LMO7: variants seen among roughly 807,000 people sequenced by gnomAD.
LMO7 encodes the protein LIM domain only protein 7.
LMO7 carries 120 observed loss-of-function variants against 206.5 expected under a neutral mutation model. That is an observed-to-expected ratio of 0.58 (90% CI 0.50 to 0.68). LMO7 has a LOEUF of 0.68. LMO7 is among the 30% of genes least tolerant of loss of function. LMO7 has a pLI of 0.00. For synonymous variants in LMO7, 706 were observed against 681.5 expected (o/e 1.04, Z -0.56); for missense variants, 1,959 against 1,957.9 (o/e 1.00, Z -0.01).
intron 26 of LMO7, among the ~76,000 whole-genome samples, chr13:75,848,576 CT>C (rs1035804260): frequency 1.3e-5 from 2 of 151,362 alleles, no homozygotes; most frequent in African/African-American, 4.9e-5. Context: ...GAGCAAATAT[CT>C]TTTTCATATA....
intron 11 of LMO7, among the ~76,000 whole-genome samples, chr13:75,812,861 C>G (rs570360843): frequency 6.6e-6 from 1 of 152,216 alleles, no homozygotes; most frequent in East Asian, 1.9e-4. Flanking sequence ...AAGAGACATA[C>G]GATGTGATTT....
chr13:75,733,072 G>A (rs1291137707), intron 3 of LMO7, among the ~76,000 whole-genome samples: 2 of 152,184 alleles, frequency 1.3e-5, no homozygotes, highest in Non-Finnish European at 2.9e-5. Flanking sequence ...CGGGGGTCAG[G>A]GGTCAGGGAC....
intron 27 of LMO7, 91 bp downstream of exon 27, chr13:75,849,383 G>A: frequency 2.0e-6 from 2 of 999,302 alleles, no homozygotes; most frequent in Non-Finnish European, 3.1e-6. Flanking sequence ...CAGAAGAGAT[G>A]AAAGGAACAT....
intron 3 of LMO7, among the ~76,000 whole-genome samples, chr13:75,754,567 G>A (rs1298098036): frequency 6.6e-6 from 1 of 152,148 alleles, no homozygotes; most frequent in Non-Finnish European, 1.5e-5. Context: ...GAGTGAGTGG[G>A]AATGTGGGAT....
At chr13:75,646,744 C>T (rs1325606805) in intron 1 of LMO7, among the ~76,000 whole-genome samples, 4 of 151,956 alleles carry the variant, frequency 2.6e-5, no homozygotes, top group South Asian at 2.1e-4. Context: ...CCACCACACC[C>T]GGCTGATTTT....
intron 5 of LMO7, 54 bp from the exon 6 acceptor site, chr13:75,796,582 C>G: frequency 9.9e-7 from 1 of 1,013,254 alleles, no homozygotes; most frequent in Non-Finnish European, 1.6e-6. Flanking sequence ...TTTGAGCTTG[C>G]AATTGGTTGC....
intron 3 of LMO7, among the ~76,000 whole-genome samples, chr13:75,736,129 G>A (rs1220180036): frequency 6.6e-6 from 1 of 152,154 alleles, no homozygotes; most frequent in Non-Finnish European, 1.5e-5. Flanking sequence ...ATCTCTCCAA[G>A]TATTTCTATT....
chr13:75,824,854 G>C (rs1222913521), intron 15 of LMO7, among the ~76,000 whole-genome samples: 1 of 151,794 alleles, frequency 6.6e-6, no homozygotes, highest in East Asian at 1.9e-4. Context: ...TATATGACTT[G>C]TCCTAAGTTA....
rs1161141070 is a variant in LMO7, at chr13:75,824,707, G to A, written c.2949+834G>A. On this transcript the variant is annotated intron_variant, in intron 15 of 30. Transcript: ENST00000377534. ...CCCTTAGCATGGAAGAGCTTTTGTG[G>A]TCCTTTGGCTTGGTTTAGTATTCCC... Among the ~76,000 whole-genome samples, 9 of 152,124 alleles carry A rather than the reference G, an allele frequency of 5.9e-5. 1 individual carries two copies. In the South Asian group the frequency reaches 1.9e-3, roughly 32 times the overall value.
chr13:75,806,171 C>T (rs574234475), intron 9 of LMO7: 1 of 995,982 alleles, frequency 1.0e-6, no homozygotes, highest in African/African-American at 1.7e-5. Context: ...CAAAGACCTT[C>T]ACTCTTGCTG....
rs67966172 is a variant in LMO7, at chr13:75,655,637, TTATATATATATATATA to T, written c.69+18949_69+18964del. On this transcript the variant is annotated intron_variant, in intron 1 of 30. Coordinates refer to ENST00000377534, the MANE Select transcript of LMO7 (RefSeq NM_001306080.2). ...TGCTGAATATTTTTGTTCATGGATTTTATATATATATATATATATATATATATATATATATATATAT... is the reference window on the plus strand; with the variant it reads ...TGCTGAATATTTTTGTTCATGGATTTTATATATATATATATATATATATAT... Among the ~76,000 whole-genome samples, 177 of 134,724 alleles carry T rather than the reference TTATATATATATATATA, an allele frequency of 1.3e-3. 2 individuals carry two copies. The highest frequency in any genetic ancestry group is 4.5e-3 in the African/African-American group (153 of 34,310). 88.4% of individuals were successfully genotyped at this position (134,724 alleles called of 152,430 possible).
At chr13:75,848,389 A>G (rs1002160101) in intron 26 of LMO7, among the ~76,000 whole-genome samples, 4 of 152,200 alleles carry the variant, frequency 2.6e-5, no homozygotes, top group African/African-American at 7.2e-5. Flanking sequence ...TGCAAATGCC[A>G]TTAATTCATT....
chr13:75,776,703 G>T (rs1362735484), intron 4 of LMO7, among the ~76,000 whole-genome samples: 1 of 152,124 alleles, frequency 6.6e-6, no homozygotes, highest in Non-Finnish European at 1.5e-5. Context: ...GGTAATACAT[G>T]GGAACATCTA....
At chr13:75,692,628 G>A (rs962325235) in intron 1 of LMO7, among the ~76,000 whole-genome samples, 11 of 152,066 alleles carry the variant, frequency 7.2e-5, no homozygotes, top group South Asian at 2.1e-4. Context: ...CACTGCACTC[G>A]GCCATTTTTT....
intron 1 of LMO7, among the ~76,000 whole-genome samples, chr13:75,703,222 A>G (rs2042401075): frequency 6.6e-6 from 1 of 152,218 alleles, no homozygotes; most frequent in South Asian, 2.1e-4. Context: ...TTATTCCTAT[A>G]AATTAGTAAA....
intron 1 of LMO7, 28 bp from the exon 2 acceptor site, chr13:75,713,154 A>G (rs1594454688): frequency 6.3e-7 from 1 of 1,580,776 alleles, no homozygotes; most frequent in South Asian, 1.1e-5. Context: ...TGCTTAAGAG[A>G]AAATTAACAA....
At chr13:75,826,933 TCCC>T (rs2058165924) in intron 15 of LMO7, among the ~76,000 whole-genome samples, 1 of 152,042 alleles carries the variant, frequency 6.6e-6, no homozygotes, top group Admixed American at 6.6e-5. Flanking sequence ...ACATCACTGC[TCCC>T]CCATTTGAAG....
chr13:75,824,916 G>C (rs1171522465), intron 15 of LMO7, among the ~76,000 whole-genome samples: 1 of 151,884 alleles, frequency 6.6e-6, no homozygotes, highest in Non-Finnish European at 1.5e-5. Flanking sequence ...TTATTATTGA[G>C]TTTTTATTTG....
At chr13:75,743,158 A>G (rs960645246) in intron 3 of LMO7, among the ~76,000 whole-genome samples, 5 of 152,194 alleles carry the variant, frequency 3.3e-5, no homozygotes, top group South Asian at 2.1e-4. Context: ...GCAAATCAAA[A>G]CCACAATGAG....
Sources: gnomAD v4.1 joint callset for allele counts (sites outside exome capture counted in the v4.1 genomes callset) on GRCh38, gnomAD v4.1.1 for gene constraint, MANE v1.5 for transcripts, NCBI Gene and HGNC (gene_info 2026-07-23, HGNC 2026-07-21) for gene names.